Variants in FGD5 observed in about 807,000 individuals in gnomAD.
FGD5 encodes FYVE, RhoGEF and PH domain-containing protein 5.
In FGD5, 28 loss-of-function variants were observed where a neutral mutation model predicts 133.4. That is an observed-to-expected ratio of 0.21 (90% CI 0.16 to 0.29). The LOEUF (loss-of-function observed/expected upper bound fraction) is 0.29, where lower values mean the gene tolerates loss of function less well. FGD5 is among the 10% of genes least tolerant of loss of function. The probability of loss-of-function intolerance (pLI) is 1.00; values close to 1 mark genes in which losing one functional copy is unlikely to be tolerated. For missense variants in FGD5, 1,858 were observed against 1,895.2 expected (o/e 0.98, Z 0.36); for synonymous variants, 810 against 776.5 (o/e 1.04, Z -0.72).
chr3:14,816,453 G>A (rs765506647), upstream of FGD5, among the ~76,000 whole-genome samples: 1 of 152,182 alleles, frequency 6.6e-6, no homozygotes, highest in East Asian at 1.9e-4. Flanking sequence ...CTATGTGAAG[G>A]CCTGCTATTG....
chr3:14,829,473 C>T (rs2036666340), intron 1 of FGD5, among the ~76,000 whole-genome samples: 1 of 152,148 alleles, frequency 6.6e-6, no homozygotes, highest in Non-Finnish European at 1.5e-5. Context: ...GGGGCTGTGG[C>T]TGCAGCCAGG....
At chr3:14,919,076 C>G (rs1213274093) in intron 13 of FGD5, among the ~76,000 whole-genome samples, 1 of 152,140 alleles carries the variant, frequency 6.6e-6, no homozygotes, top group Non-Finnish European at 1.5e-5. Flanking sequence ...TCAGGGGTTT[C>G]TAGAGCCCAT....
chr3:14,910,973 C>A, intron 11 of FGD5, 44 bp downstream of exon 11: 1 of 1,575,780 alleles, frequency 6.3e-7, no homozygotes, highest in Non-Finnish European at 8.7e-7. Flanking sequence ...CTGCCAAGTT[C>A]TATGAGGTTT....
intron 1 of FGD5, among the ~76,000 whole-genome samples, chr3:14,828,096 C>G (rs962055480): frequency 1.3e-5 from 2 of 152,064 alleles, no homozygotes; most frequent in Non-Finnish European, 2.9e-5. Context: ...TGTGAAATGA[C>G]TCATTTTGGG....
chr3:14,868,756 T>C (rs2037547781), intron 2 of FGD5, among the ~76,000 whole-genome samples: 1 of 152,204 alleles, frequency 6.6e-6, no homozygotes, highest in South Asian at 2.1e-4. Context: ...ACTCAGTTAC[T>C]CCCAGTCCCT....
At chr3:14,867,911 C>T (rs923058775) in intron 2 of FGD5, among the ~76,000 whole-genome samples, 20 of 151,970 alleles carry the variant, frequency 1.3e-4, no homozygotes, top group Admixed American at 5.2e-4. Context: ...CTGTGGGCCC[C>T]GGGAGGTGTT....
chr3:14,904,324 C>T (rs193119164), intron 9 of FGD5, among the ~76,000 whole-genome samples: 44 of 152,294 alleles, frequency 2.9e-4, no homozygotes, highest in African/African-American at 8.9e-4. Context: ...TCTCTTCTCC[C>T]TCATTGGCTA....
At chr3:14,891,716 T>G (rs1301735213) in intron 4 of FGD5, among the ~76,000 whole-genome samples, 1 of 152,132 alleles carries the variant, frequency 6.6e-6, no homozygotes, top group Non-Finnish European at 1.5e-5. Flanking sequence ...CAGGATGAGT[T>G]GTTCAGGAAG....
chr3:14,876,758 C>T (rs2037727050), intron 2 of FGD5, among the ~76,000 whole-genome samples: 1 of 152,200 alleles, frequency 6.6e-6, no homozygotes, highest in Non-Finnish European at 1.5e-5. Flanking sequence ...TTACATACCT[C>T]AGAGGTTCTC....
intron 9 of FGD5, among the ~76,000 whole-genome samples, chr3:14,904,686 T>G (rs2038306043): frequency 6.6e-6 from 1 of 152,232 alleles, no homozygotes; most frequent in Non-Finnish European, 1.5e-5. Context: ...TTAGGTGCAC[T>G]TACTGGTAAT....
chr3:14,923,055 C>A lies in FGD5; in HGVS notation c.3817C>A (p.Arg1273=). Residue 1273 remains arginine, a synonymous_variant, in exon 16 of 20, where the codon CGG becomes AGG. Coordinates refer to ENST00000285046, the MANE Select transcript of FGD5 (RefSeq NM_152536.4). ...CCACCTGGGCCTGCAGATCGTGTGC[C>A]GGAACTGTTCGCGGAACAAGTACCC... The part of the protein sequence containing the change: ...HCHACGKIVC[R]NCSRNKYPLK... 1.2e-6 allele frequency: 2 copies of A among 1,613,786 alleles called. No homozygotes were observed. The highest frequency in any genetic ancestry group is 2.2e-5 in the South Asian group (2 of 91,058).
chr3:14,821,372 C>T lies in FGD5; in HGVS notation c.2301C>T (p.Pro767=), dbSNP rs1331937146. 1 of 1,613,872 alleles carries T rather than the reference C, an allele frequency of 6.2e-7. No homozygotes were observed. Among genetic ancestry groups the T allele is most frequent in the Non-Finnish European group, 8.5e-7 (1 of 1,179,898 alleles). ...CCAAGCCACGGTCCATCTCCTTCCC[C>T]AGCGCTGACACTTCAGACTATGAGA... ...PLTKPRSISF[P]SADTSDYENI... Residue 767 remains proline (P), a synonymous_variant, in exon 1 of 20, where the codon CCC becomes CCT. Coordinates refer to ENST00000285046, the MANE Select transcript of FGD5 (RefSeq NM_152536.4).
chr3:14,900,783 G>T (rs555079539), intron 8 of FGD5, among the ~76,000 whole-genome samples: 1 of 152,260 alleles, frequency 6.6e-6, no homozygotes, highest in Non-Finnish European at 1.5e-5. Flanking sequence ...AATTCGATGT[G>T]GCTGTCCCTG....
chr3:14,883,465 T>A (rs886695262), intron 4 of FGD5, among the ~76,000 whole-genome samples: 5 of 152,198 alleles, frequency 3.3e-5, no homozygotes, highest in Non-Finnish European at 5.9e-5. Flanking sequence ...TATTCATGCA[T>A]CAAGTGACAC....
At chr3:14,845,773 A>G (rs1382614533) in intron 1 of FGD5, among the ~76,000 whole-genome samples, 1 of 152,220 alleles carries the variant, frequency 6.6e-6, no homozygotes, top group Non-Finnish European at 1.5e-5. Flanking sequence ...ATAGAACTTT[A>G]CAGTTTGAAA....
At chr3:14,843,080 T>TGC (rs2036955943) in intron 1 of FGD5, among the ~76,000 whole-genome samples, 1 of 152,254 alleles carries the variant, frequency 6.6e-6, no homozygotes, top group East Asian at 1.9e-4. Flanking sequence ...AGTTGAATAC[T>TGC]TGATATTTCT....
At chr3:14,867,560 A>T (rs2037519556) in intron 2 of FGD5, among the ~76,000 whole-genome samples, 2 of 152,316 alleles carry the variant, frequency 1.3e-5, no homozygotes, top group African/African-American at 2.4e-5. Flanking sequence ...ACCATGTGAC[A>T]GTCCCCCAAG....
intron 7 of FGD5, among the ~76,000 whole-genome samples, chr3:14,899,103 C>G (rs1285361069): frequency 3.3e-5 from 5 of 152,152 alleles, no homozygotes; most frequent in African/African-American, 1.2e-4. Context: ...CCTGCCTCAG[C>G]TGGCCATCTC....
At position 14,878,683 on chromosome 3, in the gene FGD5, TAA is replaced by T. The variant is rs551820115; in HGVS notation, c.2659-1888_2659-1887del. On this transcript the variant is annotated intron_variant, in intron 2 of 19. Coordinates refer to ENST00000285046, the MANE Select transcript of FGD5 (RefSeq NM_152536.4). The stretch of plus-strand genomic sequence containing the variant: ...AGAGCTAAATGACTTGTTCAACAAA[TAA>T]GAGTTAGAGACAGGAAACTGCCTAG... 4.2e-3 allele frequency among the ~76,000 whole-genome samples: 631 copies of T among 150,982 alleles called. 2 individuals carry two copies. The highest frequency in any genetic ancestry group is 0.014 in the African/African-American group (592 of 41,128).
Sources: allele counts gnomAD v4.1 joint callset (sites outside exome capture counted in the v4.1 genomes callset), GRCh38; gene constraint gnomAD v4.1.1; transcripts MANE v1.5; gene names NCBI Gene and HGNC (gene_info 2026-07-23, HGNC 2026-07-21).